The following PRKN variants were observed in gnomAD, a reference collection of about 807,000 sequenced individuals.
PRKN encodes parkin RBR E3 ubiquitin protein ligase.
PRKN carries 56 observed loss-of-function variants against 59.5 expected under a neutral mutation model. The ratio of observed to expected loss-of-function variants is 0.94; its 90% confidence interval spans 0.76 to 1.18. The LOEUF (loss-of-function observed/expected upper bound fraction) is 1.18. Among genes scored for constraint, PRKN ranks in the 50% most tolerant of loss-of-function variants. The pLI is 0.00. For synonymous variants in PRKN, 250 were observed against 222.1 expected, an observed-to-expected ratio of 1.13 and a Z score of -1.12; for missense variants, 657 against 596.4, an observed-to-expected ratio of 1.10 and a Z score of -1.06.
At chr6:161,986,913 T>C (rs548967863) in intron 5 of PRKN, among the ~76,000 whole-genome samples, 36 of 152,302 alleles carry the variant, frequency 2.4e-4, no homozygotes, top group African/African-American at 7.9e-4. Flanking sequence ...TTGTTGGCTA[T>C]GAGCAAAAAG....
chr6:161,589,771 T>A (rs1268420718), intron 7 of PRKN, among the ~76,000 whole-genome samples: 1 of 147,772 alleles, frequency 6.8e-6, no homozygotes, highest in African/African-American at 2.6e-5. Context: ...TTGAAAAGGA[T>A]TAAATTCTTT....
chr6:161,442,688 T>A lies in PRKN; in HGVS notation c.1084-55811A>T, dbSNP rs1228536552. Among the ~76,000 whole-genome samples, 1 of 152,166 alleles carries A rather than the reference T, an allele frequency of 6.6e-6. No individual in the cohort carries two copies. Among genetic ancestry groups the A allele is most frequent in the East Asian group, 1.9e-4 (1 of 5,176 alleles). On this transcript the variant is annotated intron_variant, in intron 9 of 11. Transcript: ENST00000366898. This position sits in a 1 kb window ranked among gnomAD's most constrained non-coding sequence, Gnocchi z 4.6. Reference sequence around the variant, plus strand: ...GGTGGCTTGGAATTTAGCTGTTCCTTCGGGGCCCCGCTTACACACCAACAC... The same window carrying A: ...GGTGGCTTGGAATTTAGCTGTTCCTACGGGGCCCCGCTTACACACCAACAC...
chr6:161,860,046 T>C (rs1486816075), intron 6 of PRKN, among the ~76,000 whole-genome samples: 1 of 152,158 alleles, frequency 6.6e-6, no homozygotes, highest in Non-Finnish European at 1.5e-5. Context: ...AAAATTATCA[T>C]GTTGTCTTCA....
chr6:162,328,068 C>T (rs1364035603), intron 2 of PRKN, among the ~76,000 whole-genome samples: 3 of 139,302 alleles, frequency 2.2e-5, no homozygotes, highest in Non-Finnish European at 4.8e-5. Context: ...GTTCCTCAAA[C>T]AGCACCACTA....
At chr6:161,799,361 A>T (rs961651155) in intron 6 of PRKN, among the ~76,000 whole-genome samples, 1 of 152,162 alleles carries the variant, frequency 6.6e-6, no homozygotes, top group Admixed American at 6.5e-5. Context: ...GCAAACAACA[A>T]TTTTTGCAGT....
At chr6:162,637,287 A>C (rs961191243) in intron 1 of PRKN, among the ~76,000 whole-genome samples, 4 of 69,914 alleles carry the variant, frequency 5.7e-5, no homozygotes, top group Non-Finnish European at 6.1e-5. Context: ...CCCCCCCCAA[A>C]AAAAAGCAGC....
intron 5 of PRKN, among the ~76,000 whole-genome samples, chr6:161,977,485 C>T (rs2128253106): frequency 6.7e-6 from 1 of 150,196 alleles, no homozygotes; most frequent in Non-Finnish European, 1.5e-5. Context: ...GCATAATAAG[C>T]AAATCTGCCT....
chr6:161,710,834 T>C (rs987981972), intron 7 of PRKN, among the ~76,000 whole-genome samples: 4 of 110,668 alleles, frequency 3.6e-5, no homozygotes, highest in South Asian at 4.3e-4. Context: ...CCTTCCTTCC[T>C]TCCCCCTTTC....
chr6:161,998,750 C>T (rs1328376075), intron 5 of PRKN, among the ~76,000 whole-genome samples: 1 of 152,148 alleles, frequency 6.6e-6, no homozygotes, highest in Non-Finnish European at 1.5e-5. Flanking sequence ...TAAGAGAAAT[C>T]CAATCCCGTT....
At chr6:162,721,220 G>A (rs1472582235) in intron 1 of PRKN, among the ~76,000 whole-genome samples, 3 of 152,146 alleles carry the variant, frequency 2.0e-5, no homozygotes, top group African/African-American at 7.2e-5. Flanking sequence ...CTTGTTCTCC[G>A]TAACTAGTGA....
At chr6:161,750,455 C>T (rs1788640794) in intron 7 of PRKN, among the ~76,000 whole-genome samples, 1 of 151,912 alleles carries the variant, frequency 6.6e-6, no homozygotes, top group Non-Finnish European at 1.5e-5. Context: ...CTGACAAATC[C>T]ATAAGTGAAT....
At chr6:161,701,688 C>T (rs186884644) in intron 7 of PRKN, among the ~76,000 whole-genome samples, 67 of 152,226 alleles carry the variant, frequency 4.4e-4, no homozygotes, top group Admixed American at 2.0e-3. Flanking sequence ...ACACAAAATA[C>T]GTCCAAATTC....
chr6:162,629,705 T>C (rs535913401), intron 1 of PRKN, among the ~76,000 whole-genome samples: 4 of 152,248 alleles, frequency 2.6e-5, no homozygotes, highest in Non-Finnish European at 4.4e-5. Flanking sequence ...GTTTCTGATA[T>C]AGAAAGCAAT....
intron 7 of PRKN, among the ~76,000 whole-genome samples, chr6:161,724,810 G>A (rs1207583805): frequency 6.6e-6 from 1 of 152,236 alleles, no homozygotes; most frequent in East Asian, 1.9e-4. Flanking sequence ...ATATAATTTG[G>A]ATATATGTCC....
intron 2 of PRKN, among the ~76,000 whole-genome samples, chr6:162,413,628 C>T (rs976948143): frequency 1.8e-4 from 28 of 152,260 alleles, no homozygotes; most frequent in Admixed American, 7.8e-4. Flanking sequence ...GTGCAAATCA[C>T]CATTCTATTG....
chr6:162,633,431 T>C (rs1242847072), intron 1 of PRKN, among the ~76,000 whole-genome samples: 1 of 9,832 alleles, frequency 1.0e-4, no homozygotes, highest in African/African-American at 1.1e-3. Context: ...CAAGACTGTC[T>C]CAAAAAAAAA....
chr6:162,256,398 T>C (rs2128098130), intron 3 of PRKN, among the ~76,000 whole-genome samples: 1 of 152,276 alleles, frequency 6.6e-6, no homozygotes, highest in Non-Finnish European at 1.5e-5. Context: ...TCAGAACAAA[T>C]TTAGAAAGAT....
chr6:162,487,036 C>G (rs888917927), intron 1 of PRKN, among the ~76,000 whole-genome samples: 1 of 151,808 alleles, frequency 6.6e-6, no homozygotes, highest in African/African-American at 2.4e-5. Context: ...CACCATTGCA[C>G]TCCAGCCTGG....
At chr6:162,316,670 T>C (rs1415596501) in intron 2 of PRKN, among the ~76,000 whole-genome samples, 2 of 152,044 alleles carry the variant, frequency 1.3e-5, no homozygotes, top group African/African-American at 4.8e-5. Context: ...CTAATTAGGC[T>C]TGAAGTCATA....
Sources: allele counts gnomAD v4.1 joint callset (sites outside exome capture counted in the v4.1 genomes callset), GRCh38; gene constraint gnomAD v4.1.1; non-coding constraint Gnocchi (gnomAD v3.1); transcripts MANE v1.5; gene names NCBI Gene and HGNC (gene_info 2026-07-23, HGNC 2026-07-21).